Variants in SRGAP1 observed in about 807,000 individuals in gnomAD.
SRGAP1 encodes SLIT-ROBO Rho GTPase activating protein 1, also known as SLIT-ROBO Rho GTPase-activating protein 1.
Under a neutral mutation model 121.9 loss-of-function variants are expected in SRGAP1, and 43 were observed. The ratio of observed to expected loss-of-function variants is 0.35; its 90% CI spans 0.28 to 0.46. SRGAP1 has a LOEUF of 0.46. Ranked by LOEUF, SRGAP1 falls within the 20% of genes least tolerant of loss-of-function variation. The pLI is 1.00. For synonymous variants in SRGAP1, 447 were observed against 485.4 expected (o/e 0.92, Z 1.04); for missense variants, 1,102 against 1,350.9 (o/e 0.82, Z 2.89).
At chr12:64,124,276 A>G (rs567081701) in intron 18 of SRGAP1, among the ~76,000 whole-genome samples, 3 of 152,344 alleles carry the variant, frequency 2.0e-5, no homozygotes, top group Admixed American at 2.0e-4. Context: ...TTTCTCATGC[A>G]ATGATTATAA....
At chr12:63,971,039 T>C (rs965996987) in intron 1 of SRGAP1, among the ~76,000 whole-genome samples, 2 of 152,154 alleles carry the variant, frequency 1.3e-5, no homozygotes, top group African/African-American at 4.8e-5. Context: ...CAAACTGCCA[T>C]GCTTCTAACA....
At chr12:64,113,969 C>T (rs2136619345) in intron 17 of SRGAP1, among the ~76,000 whole-genome samples, 1 of 152,168 alleles carries the variant, frequency 6.6e-6, no homozygotes, top group South Asian at 2.1e-4. Flanking sequence ...CATTTTCTTA[C>T]CAAAGATTAA....
chr12:63,962,236 G>T (rs2032662996), intron 1 of SRGAP1, among the ~76,000 whole-genome samples: 1 of 152,102 alleles, frequency 6.6e-6, no homozygotes, highest in African/African-American at 2.4e-5. Flanking sequence ...CATACTTTGG[G>T]ATGCTGATAT....
rs772997094 is a variant in SRGAP1 at position 64,127,547 on chromosome 12, G to C, written c.2406-43G>C. 1.0e-5 allele frequency: 16 copies of C among 1,552,960 alleles called. No homozygotes were observed. In the Admixed American group the frequency reaches 2.0e-4, roughly 19 times the overall value. ...TCATCTAGCAAATTTTGTAAAATTT[G>C]TAAATCTAGTAAATTTTGTCTCCAT... is the stretch of plus-strand genomic sequence containing the variant. On this transcript the variant is annotated intron_variant, in intron 19 of 21. Coordinates refer to ENST00000355086, the MANE Select transcript of SRGAP1 (RefSeq NM_020762.4).
intron 21 of SRGAP1, among the ~76,000 whole-genome samples, chr12:64,141,576 T>A (rs1417034065): frequency 6.6e-6 from 1 of 152,170 alleles, no homozygotes; most frequent in South Asian, 2.1e-4. Context: ...CAAGACTGCA[T>A]CTTGGGGGGG....
chr12:64,112,492 A>G (rs527904993), intron 17 of SRGAP1, among the ~76,000 whole-genome samples: 3 of 152,188 alleles, frequency 2.0e-5, no homozygotes, highest in Non-Finnish European at 2.9e-5. Context: ...CAAATTTATT[A>G]TATTAATATA....
intron 1 of SRGAP1, among the ~76,000 whole-genome samples, chr12:63,927,962 A>G (rs181458186): frequency 2.6e-4 from 40 of 152,294 alleles, no homozygotes; most frequent in South Asian, 4.1e-4. Flanking sequence ...AGTGAGTGGT[A>G]TACTGTACAT....
intron 1 of SRGAP1, among the ~76,000 whole-genome samples, chr12:63,947,542 T>C (rs546555502): frequency 6.6e-6 from 1 of 152,344 alleles, no homozygotes; most frequent in African/African-American, 2.4e-5. Flanking sequence ...GAACTATCCA[T>C]TGAAGACTTC....
chr12:64,060,210 T>C (rs941505313), intron 6 of SRGAP1, among the ~76,000 whole-genome samples: 1 of 150,602 alleles, frequency 6.6e-6, no homozygotes. Context: ...TTTTTCTTTT[T>C]TTTTTTTTTC....
intron 21 of SRGAP1, among the ~76,000 whole-genome samples, chr12:64,136,970 A>G (rs1284442424): frequency 2.0e-5 from 3 of 152,172 alleles, no homozygotes; most frequent in African/African-American, 7.2e-5. Context: ...TAAATTGTAA[A>G]TTATAAAAAC....
chr12:63,858,768 A>C (rs1899341593), intron 1 of SRGAP1, among the ~76,000 whole-genome samples: 1 of 152,086 alleles, frequency 6.6e-6, no homozygotes, highest in South Asian at 2.1e-4. Context: ...GCAATGGCGC[A>C]ATCTGCTCAC....
rs553728299 is a variant in SRGAP1, at chr12:63,941,619, A to T, written c.68-42328A>T. Among the ~76,000 whole-genome samples, 44 of 151,880 alleles carry T rather than the reference A, an allele frequency of 2.9e-4. 1 individual carries two copies. In the South Asian group the frequency reaches 9.2e-3, roughly 32 times the overall value. Reference sequence around the variant, plus strand: ...GTGAACATTTTTTGAAAAATCCTCAATGTAGCCAAGTGTTTTGAAAAAGGA... The same window carrying T: ...GTGAACATTTTTTGAAAAATCCTCATTGTAGCCAAGTGTTTTGAAAAAGGA... On this transcript the variant is annotated intron_variant, in intron 1 of 21. Transcript: ENST00000355086.
Position 63,876,523 on chromosome 12 carries a change from G to T in SRGAP1, c.67+31640G>T, listed in dbSNP as rs148109596. On this transcript the variant is annotated intron_variant, in intron 1 of 21. Transcript: ENST00000355086. ...TAACTGTGAAATTACAGTGTTTATG[G>T]AACTCAAATTCCAAAAAGCATACAA... is the stretch of plus-strand genomic sequence containing the variant. 6.0e-3 allele frequency among the ~76,000 whole-genome samples: 911 copies of T among 152,144 alleles called. 15 individuals are homozygous for T. The highest frequency in any genetic ancestry group is 0.021 in the African/African-American group (859 of 41,506).
At position 64,148,854 on chromosome 12, in the gene SRGAP1, A is replaced by G. The variant is rs922901994; in HGVS notation, c.*6182A>G. On this transcript the variant is annotated 3_prime_UTR_variant, in exon 22 of 22. Transcript: ENST00000355086. ...AGCAATAGCACATTATCAGCATCCCAGAAGCTACTGTGCTCATGCCTCTGT... is the reference window on the plus strand; with the variant it reads ...AGCAATAGCACATTATCAGCATCCCGGAAGCTACTGTGCTCATGCCTCTGT... 2 of 152,244 alleles carry G rather than the reference A, an allele frequency of 1.3e-5. No homozygotes were observed. The highest frequency in any genetic ancestry group is 4.8e-5 in the African/African-American group (2 of 41,468). 9.4% of individuals were successfully genotyped at this position (152,244 alleles called of 1,614,324 possible).
chr12:64,108,969 CA>C lies in SRGAP1; in HGVS notation c.1854del (p.Lys618AsnfsTer4). On this transcript the variant is annotated frameshift_variant, in exon 16 of 22. Transcript: ENST00000355086. LOFTEE classifies it high-confidence loss of function. The stretch of plus-strand genomic sequence containing the variant: ...TCTATGAGAGGGCGCTTCACATCCG[CA>C]AACTCCTCCTGACTTTGCCCAGGTC... Reference protein sequence around the residue: ...NLYERALHIRKLLLTLPRSVL... With the variant: ...NLYERALHIRXLLLTLPRSVL... 6.2e-7 allele frequency: 1 copy of C among 1,604,794 alleles called. No homozygotes were observed. Among genetic ancestry groups the C allele is most frequent in the Non-Finnish European group, 8.5e-7 (1 of 1,173,692 alleles).
In SRGAP1 at chr12:64,127,934, C is replaced by T. The variant is rs2136638553; in HGVS notation, c.2614C>T (p.His872Tyr). 6.2e-7 allele frequency: 1 copy of T among 1,614,228 alleles called. No individual in the cohort carries two copies. The highest frequency in any genetic ancestry group is 8.5e-7 in the Non-Finnish European group (1 of 1,180,040). Residue 872 changes from histidine (H) to tyrosine (Y), a missense_variant, in exon 21 of 22, where the codon CAC becomes TAC. His to Tyr is a moderately conservative substitution (Grantham distance 83). This residue lies in a region of SRGAP1 where 315 missense variants were observed against 343.1 expected (regional missense o/e 0.92). Transcript: ENST00000355086. ...GACCAGTGATGGCCATTGCCCGCTCCACCCTCCACATGCCCTTTCTAACTC... is the reference window on the plus strand; with the variant it reads ...GACCAGTGATGGCCATTGCCCGCTCTACCCTCCACATGCCCTTTCTAACTC... Reference protein sequence around the residue: ...GRTSDGHCPLHPPHALSNSSV... With the variant: ...GRTSDGHCPLYPPHALSNSSV...
intron 1 of SRGAP1, among the ~76,000 whole-genome samples, chr12:63,857,807 C>G (rs1270469661): frequency 6.6e-6 from 1 of 152,124 alleles, no homozygotes; most frequent in Non-Finnish European, 1.5e-5. Context: ...TTTATAAGCC[C>G]TATGGATTTA....
intron 1 of SRGAP1, among the ~76,000 whole-genome samples, chr12:63,906,502 AC>A (rs2030216999): frequency 6.6e-6 from 1 of 151,618 alleles, no homozygotes; most frequent in Non-Finnish European, 1.5e-5. Context: ...TTTAGTAGAG[AC>A]GGGGTTTCAC....
chr12:64,057,008 T>C (rs926533404), intron 6 of SRGAP1, among the ~76,000 whole-genome samples: 1 of 152,196 alleles, frequency 6.6e-6, no homozygotes, highest in Non-Finnish European at 1.5e-5. Flanking sequence ...CCTCTCTCAT[T>C]ATTTGATTCA....
Sources: allele counts gnomAD v4.1 joint callset (sites outside exome capture counted in the v4.1 genomes callset), GRCh38; gene constraint gnomAD v4.1.1; regional missense constraint gnomAD v4.1.1; transcripts MANE v1.5; gene names NCBI Gene and HGNC (gene_info 2026-07-23, HGNC 2026-07-21).